Variants in PLEKHA6 observed in about 807,000 individuals in gnomAD.
PLEKHA6 encodes pleckstrin homology domain-containing family A member 6.
In PLEKHA6, 60 loss-of-function variants were observed where a neutral mutation model predicts 116.7. The ratio of observed to expected loss-of-function variants is 0.51; its 90% confidence interval spans 0.42 to 0.64. PLEKHA6 has a LOEUF of 0.64. PLEKHA6 is among the 30% of genes least tolerant of loss of function. The pLI, the probability that PLEKHA6 is intolerant of heterozygous loss-of-function variation, is 0.00. For missense variants in PLEKHA6, 1,338 were observed against 1,422.7 expected, an observed-to-expected ratio of 0.94 and a Z score of 0.96; for synonymous variants, 489 against 556.1, an observed-to-expected ratio of 0.88 and a Z score of 1.70.
rs2102841460 is a variant in PLEKHA6 at position 204,266,745 on chromosome 1, G to T, written c.280+730C>A. Among the ~76,000 whole-genome samples the T allele has an allele frequency of 2.0e-5, 3 of 152,278 alleles. 1 individual carries two copies. In the Middle Eastern group the frequency reaches 0.01, roughly 518 times the overall value. ...CAGGGCTGTGCCTTCCTGGGCCAAG[G>T]GAGTGAAGGAAAGAGCCTCTCCTGC... is the stretch of plus-strand genomic sequence containing the variant. On this transcript the variant is annotated intron_variant, in intron 5 of 22. Transcript: ENST00000272203.
Position 204,248,821 on chromosome 1 carries a change from C to T in PLEKHA6, c.1824G>A (p.Thr608=). The T allele has an allele frequency of 1.2e-6, 2 of 1,613,400 alleles. No individual in the cohort carries two copies. The highest frequency in any genetic ancestry group is 1.3e-5 in the African/African-American group (1 of 75,026). Residue 608 remains threonine (T), a splice_region_variant and synonymous_variant, in exon 12 of 23, where the codon ACG becomes ACA. Coordinates refer to ENST00000272203, the MANE Select transcript of PLEKHA6 (RefSeq NM_014935.5). ...NIRVELSQAT[T]ALTNSTIEYE... is the part of the protein sequence containing the mutation. The stretch of plus-strand genomic sequence containing the variant: ...GCACGAACCCCGCTCCCTGGGTTAC[C>T]GTGGTCGCCTGAGACAGCTCCACGC...
intron 1 of PLEKHA6, among the ~76,000 whole-genome samples, chr1:204,344,028 C>T (rs74731606): frequency 0.017 from 2,560 of 152,224 alleles, 62 homozygotes; most frequent in African/African-American, 0.055. Flanking sequence ...GTGGTGCGTG[C>T]CTATAATCCC....
chr1:204,371,179 G>A (rs182063809), intron 2 of PLEKHA6, among the ~76,000 whole-genome samples: 5 of 152,084 alleles, frequency 3.3e-5, no homozygotes, highest in Admixed American at 2.6e-4. Flanking sequence ...CTTCCATCAC[G>A]ACATAAAAGT....
chr1:204,246,828 A>G (rs1663756245), intron 13 of PLEKHA6, among the ~76,000 whole-genome samples: 1 of 152,194 alleles, frequency 6.6e-6, no homozygotes, highest in Non-Finnish European at 1.5e-5. Context: ...TGAGTTATTT[A>G]TATTTACACG....
chr1:204,282,645 A>G (rs1668746578), intron 1 of PLEKHA6: 2 of 985,098 alleles, frequency 2.0e-6, no homozygotes, highest in Non-Finnish European at 2.4e-6. Flanking sequence ...CTGTCTCAAC[A>G]CTGAAGTGTC....
chr1:204,311,108 T>C (rs920974323), intron 1 of PLEKHA6, among the ~76,000 whole-genome samples: 2 of 152,194 alleles, frequency 1.3e-5, no homozygotes, highest in Admixed American at 6.5e-5. Flanking sequence ...CAGCAACCAC[T>C]ATGAAAGATG....
At chr1:204,275,032 C>A in intron 1 of PLEKHA6, 2 of 663,752 alleles carry the variant, frequency 3.0e-6, no homozygotes, top group Non-Finnish European at 3.7e-6. Flanking sequence ...TCCCACTAGT[C>A]AGTGCTAACT....
In PLEKHA6 at chr1:204,303,006, C is replaced by T. The variant is rs533661521; in HGVS notation, c.-94-28197G>A. 1.7e-4 allele frequency among the ~76,000 whole-genome samples: 26 copies of T among 152,326 alleles called. No homozygotes were observed. The South Asian group carries it at 3.9e-3, about 23-fold the overall frequency. On this transcript the variant is annotated intron_variant, in intron 1 of 22. Transcript: ENST00000272203. ...CCTGAAGAAGCTCCTCAAGTGGCAG[C>T]TATCTTTAATTTACACTTCTTGGAT...
chr1:204,312,879 TTC>T (rs1671710155), intron 1 of PLEKHA6, among the ~76,000 whole-genome samples: 1 of 151,138 alleles, frequency 6.6e-6, no homozygotes, highest in African/African-American at 2.4e-5. Context: ...TTCTTTTCTT[TTC>T]TTTTCTTTTT....
intron 3 of PLEKHA6, among the ~76,000 whole-genome samples, chr1:204,367,175 G>T (rs1300019493): frequency 6.6e-6 from 1 of 152,064 alleles, no homozygotes; most frequent in Admixed American, 6.5e-5. Context: ...TCTGTCTTCT[G>T]CTTCCAAGAT....
chr1:204,259,133 G>C lies in PLEKHA6; in HGVS notation c.1007+125C>G. ...AAGCCAGGAAGCATGGGATTTGCTT[G>C]GTTTCCCAACTCAGCCTGCTTCCAG... is the stretch of plus-strand genomic sequence containing the variant. On this transcript the variant is annotated intron_variant, in intron 8 of 22. Coordinates refer to ENST00000272203, the MANE Select transcript of PLEKHA6 (RefSeq NM_014935.5). The surrounding 1 kb of genome is among the most constrained non-coding windows in gnomAD (Gnocchi z 4.6). The C allele has an allele frequency of 8.9e-7, 1 of 1,120,670 alleles. No individual in the cohort carries two copies. Among genetic ancestry groups the C allele is most frequent in the Non-Finnish European group, 1.3e-6 (1 of 799,988 alleles). 69.4% of individuals were successfully genotyped at this position (1,120,670 alleles called of 1,614,324 possible).
rs572772349 is a variant in PLEKHA6, at chr1:204,250,506, G to A, written c.1593+40C>T. On this transcript the variant is annotated intron_variant, in intron 10 of 22. Coordinates refer to ENST00000272203, the MANE Select transcript of PLEKHA6 (RefSeq NM_014935.5). ...CCCCCCGCAGAGGACAGCAGCAGGAGGCTGGAGTGGAGGGAGGGAGCAGGG... is the reference window on the plus strand; with the variant it reads ...CCCCCCGCAGAGGACAGCAGCAGGAAGCTGGAGTGGAGGGAGGGAGCAGGG... 14 of 1,423,932 alleles carry A rather than the reference G, an allele frequency of 9.8e-6. No homozygotes were observed. In the South Asian group the frequency reaches 1.3e-4, roughly 13 times the overall value. The allele number at this position is 1,423,932 out of a possible 1,614,324, so 88.2% of individuals were successfully genotyped here. A position where few individuals can be genotyped will look rare whatever the true frequency, so the allele number is the denominator to read the frequency against.
chr1:204,266,986 G>C (rs116706542), intron 5 of PLEKHA6, among the ~76,000 whole-genome samples: 77 of 152,290 alleles, frequency 5.1e-4, no homozygotes, highest in African/African-American at 1.8e-3. Flanking sequence ...ACTGAGCACC[G>C]ACTAAATGGC....
rs147810405 is a variant in PLEKHA6 at position 204,280,718 on chromosome 1, G to T, written c.-94-5909C>A. ...TTTCTGCTGCCACAGAGGAGGGGAA[G>T]GTGGGGAGAAGGTTGGCTCCTGCTC... On this transcript the variant is annotated intron_variant, in intron 1 of 22. Coordinates refer to ENST00000272203, the MANE Select transcript of PLEKHA6 (RefSeq NM_014935.5). 9.5e-3 allele frequency among the ~76,000 whole-genome samples: 1,447 copies of T among 152,308 alleles called. 12 individuals are homozygous for T. The highest frequency in any genetic ancestry group is 0.016 in the Non-Finnish European group (1,097 of 68,030).
intron 9 of PLEKHA6, among the ~76,000 whole-genome samples, chr1:204,252,389 C>A (rs1664685811): frequency 6.6e-6 from 1 of 151,738 alleles, no homozygotes; most frequent in South Asian, 2.1e-4. Context: ...AAGGGCAGGC[C>A]AACCAATCAA....
chr1:204,321,754 C>A (rs1314755189), intron 1 of PLEKHA6, among the ~76,000 whole-genome samples: 1 of 152,182 alleles, frequency 6.6e-6, no homozygotes, highest in East Asian at 1.9e-4. Context: ...GGACAAGGAC[C>A]ATGTCAAATG....
chr1:204,236,908 G>A (rs1662137373), intron 17 of PLEKHA6, among the ~76,000 whole-genome samples: 1 of 152,178 alleles, frequency 6.6e-6, no homozygotes, highest in Admixed American at 6.5e-5. Context: ...GGGGAGGCAG[G>A]GTCCTCTTGA....
At chr1:204,313,563 G>T (rs1445436921) in intron 1 of PLEKHA6, 5 of 984,820 alleles carry the variant, frequency 5.1e-6, no homozygotes, top group Non-Finnish European at 6.0e-6. Flanking sequence ...TGAGGCTACT[G>T]CTTCTCTTCT....
chr1:204,328,740 C>G (rs1672342179), intron 1 of PLEKHA6, among the ~76,000 whole-genome samples: 1 of 152,358 alleles, frequency 6.6e-6, no homozygotes, highest in East Asian at 1.9e-4. Context: ...AGTGTCTGCA[C>G]AGTCTTGCAG....
Sources: gnomAD v4.1 joint callset for allele counts (sites outside exome capture counted in the v4.1 genomes callset) on GRCh38, gnomAD v4.1.1 for gene constraint, Gnocchi (gnomAD v3.1) non-coding constraint, MANE v1.5 for transcripts, NCBI Gene and HGNC (gene_info 2026-07-23, HGNC 2026-07-21) for gene names.